The following SH3KBP1 variants were observed in gnomAD, a reference collection of about 807,000 sequenced individuals.
SH3KBP1 encodes SH3 domain containing kinase binding protein 1, also known as SH3 domain-containing kinase-binding protein 1.
A neutral mutation model predicts 50.1 loss-of-function variants in SH3KBP1; 8 were observed. The ratio of observed to expected loss-of-function variants is 0.16; its 90% CI spans 0.09 to 0.29. The LOEUF (loss-of-function observed/expected upper bound fraction) is 0.29, where lower values mean the gene tolerates loss of function less well. Ranked by LOEUF, SH3KBP1 falls within the 10% of genes least tolerant of loss-of-function variation. The probability of loss-of-function intolerance (pLI) is 1.00; values close to 1 mark genes in which losing one functional copy is unlikely to be tolerated. For synonymous variants in SH3KBP1, 227 were observed against 218.6 expected (o/e 1.04, Z -0.34); for missense variants, 377 against 535.2 (o/e 0.70, Z 2.92).
rs1467920743 is a variant in SH3KBP1 at position 19,739,273 on chromosome X, A to G, written c.286+7045T>C. Reference sequence around the variant, plus strand: ...TACCAAGCGGGGGCAGTCTGTGCCCAGGCAAGAAGGGGGCTGCCTGTAGAG... The same window carrying G: ...TACCAAGCGGGGGCAGTCTGTGCCCGGGCAAGAAGGGGGCTGCCTGTAGAG... On this transcript the variant is annotated intron_variant, in intron 3 of 17. Transcript: ENST00000397821. 1.2e-4 allele frequency among the ~76,000 whole-genome samples: 13 copies of G among 112,138 alleles called. No homozygotes were observed. In the Admixed American group the frequency reaches 1.2e-3, roughly 11 times the overall value.
At chrX:19,747,948 C>G (rs1216171848) in intron 2 of SH3KBP1, among the ~76,000 whole-genome samples, 2 of 112,534 alleles carry the variant, frequency 1.8e-5, no homozygotes, top group Admixed American at 1.9e-4. Context: ...TTCCTGTAGC[C>G]TCACAGGCAG....
intron 15 of SH3KBP1, among the ~76,000 whole-genome samples, chrX:19,542,569 C>G (rs932696134): frequency 9.0e-6 from 1 of 111,450 alleles, no homozygotes; most frequent in Non-Finnish European, 1.9e-5. Flanking sequence ...GACAGACAGA[C>G]AGACCAACGC....
chrX:19,745,538 C>A (rs995699447), intron 3 of SH3KBP1, among the ~76,000 whole-genome samples: 1 of 111,861 alleles, frequency 8.9e-6, no homozygotes, highest in Non-Finnish European at 1.9e-5. Flanking sequence ...AAACAGCTCT[C>A]TATTTCTCTT....
chrX:19,590,814 T>C (rs1335043259), intron 11 of SH3KBP1, among the ~76,000 whole-genome samples: 1 of 76,334 alleles, frequency 1.3e-5, no homozygotes, highest in East Asian at 3.9e-4. Context: ...TGGCTATTTT[T>C]TTTTTTTTTT....
At chrX:19,829,491 G>A (rs2067795341) in intron 2 of SH3KBP1, among the ~76,000 whole-genome samples, 1 of 108,906 alleles carries the variant, frequency 9.2e-6, no homozygotes, top group African/African-American at 3.3e-5. Context: ...GCTCATGCCT[G>A]TAATCCCAGC....
intron 8 of SH3KBP1, among the ~76,000 whole-genome samples, chrX:19,617,765 G>A (rs2148180288): frequency 8.9e-6 from 1 of 111,911 alleles, no homozygotes; most frequent in East Asian, 2.8e-4. Context: ...AGCCCAGAGG[G>A]GTGATTCCGG....
intron 2 of SH3KBP1, 45 bp downstream of exon 2, chrX:19,836,080 A>T (rs201854015): frequency 8.5e-7 from 1 of 1,176,624 alleles, no homozygotes; most frequent in African/African-American, 1.8e-5. Context: ...TTTGGTCAGC[A>T]GAGCCCACAC....
At chrX:19,692,689 ATT>A (rs1186773036) in intron 5 of SH3KBP1, among the ~76,000 whole-genome samples, 42 of 75,050 alleles carry the variant, frequency 5.6e-4, no homozygotes, top group African/African-American at 1.2e-3. Flanking sequence ...ATATATATAT[ATT>A]TTTTTTTTTT....
At chrX:19,828,389 T>C (rs749631900) in intron 2 of SH3KBP1, among the ~76,000 whole-genome samples, 5 of 111,960 alleles carry the variant, frequency 4.5e-5, no homozygotes, top group Non-Finnish European at 9.4e-5. Context: ...AACAATATAA[T>C]AGGCCTGGCA....
chrX:19,742,636 C>T (rs759230167), intron 3 of SH3KBP1, among the ~76,000 whole-genome samples: 1 of 111,402 alleles, frequency 9.0e-6, no homozygotes, highest in South Asian at 3.7e-4. Flanking sequence ...GGCACAATCT[C>T]GGCATTTGAA....
intron 2 of SH3KBP1, among the ~76,000 whole-genome samples, chrX:19,811,012 G>C (rs2067189625): frequency 8.9e-6 from 1 of 111,917 alleles, no homozygotes; most frequent in Non-Finnish European, 1.9e-5. Flanking sequence ...CGTGCCACCA[G>C]AGCCCAATGT....
chrX:19,759,075 C>T (rs1156924303), intron 2 of SH3KBP1, among the ~76,000 whole-genome samples: 1 of 112,129 alleles, frequency 8.9e-6, no homozygotes, highest in East Asian at 2.8e-4. Context: ...AATTAGCTCG[C>T]CATTATGAAG....
At chrX:19,687,943 A>G (rs1295923887) in intron 5 of SH3KBP1, among the ~76,000 whole-genome samples, 1 of 112,092 alleles carries the variant, frequency 8.9e-6, no homozygotes, top group African/African-American at 3.2e-5. Flanking sequence ...TGCCTCTGCA[A>G]ATGACTGGCA....
At chrX:19,701,002 T>C (rs1461865898) in intron 4 of SH3KBP1, among the ~76,000 whole-genome samples, 1 of 111,788 alleles carries the variant, frequency 8.9e-6, no homozygotes, top group Non-Finnish European at 1.9e-5. Context: ...TAAGAAAACA[T>C]ATACAATTTC....
chrX:19,785,686 T>A (rs768145068), intron 2 of SH3KBP1, among the ~76,000 whole-genome samples: 3 of 112,058 alleles, frequency 2.7e-5, no homozygotes, highest in Non-Finnish European at 5.6e-5. Flanking sequence ...CAAGTATCTA[T>A]CAATGACTGA....
intron 5 of SH3KBP1, among the ~76,000 whole-genome samples, chrX:19,690,662 T>A (rs1336918889): frequency 8.9e-6 from 1 of 112,467 alleles, no homozygotes; most frequent in Non-Finnish European, 1.9e-5. Flanking sequence ...AGGCAAAATA[T>A]GTATGAAATT....
intron 9 of SH3KBP1, among the ~76,000 whole-genome samples, chrX:19,604,664 A>C (rs1446757100): frequency 1.8e-5 from 2 of 111,387 alleles, no homozygotes; most frequent in Admixed American, 1.9e-4. Flanking sequence ...AATCATCTTC[A>C]CACCCTCAGC....
chrX:19,788,455 G>A, intron 2 of SH3KBP1, among the ~76,000 whole-genome samples: 1 of 110,167 alleles, frequency 9.1e-6, no homozygotes, highest in Non-Finnish European at 1.9e-5. Context: ...ACGACCCTCA[G>A]AAGGAACCAA....
intron 2 of SH3KBP1, among the ~76,000 whole-genome samples, chrX:19,830,934 C>T (rs1200609038): frequency 9.0e-6 from 1 of 111,651 alleles, no homozygotes; most frequent in Non-Finnish European, 1.9e-5. Flanking sequence ...GAAAAATAGC[C>T]CAAGAGCTGA....
Sources: allele counts gnomAD v4.1 joint callset (sites outside exome capture counted in the v4.1 genomes callset), GRCh38; gene constraint gnomAD v4.1.1; transcripts MANE v1.5; gene names NCBI Gene and HGNC (gene_info 2026-07-23, HGNC 2026-07-21).